Variants in ZNRF3 observed in about 807,000 individuals in gnomAD.
The protein encoded by ZNRF3 is zinc and ring finger 3.
In ZNRF3, 23 loss-of-function variants were observed where a neutral mutation model predicts 72.5. The ratio of observed to expected loss-of-function variants is 0.32; its 90% CI spans 0.23 to 0.45. The LOEUF is 0.45. ZNRF3 is among the 20% of genes least tolerant of loss of function. ZNRF3 has a pLI of 1.00. For synonymous variants in ZNRF3, 610 were observed against 545.3 expected (o/e 1.12, Z -1.65); for missense variants, 1,169 against 1,272.1 (o/e 0.92, Z 1.23).
intron 1 of ZNRF3, among the ~76,000 whole-genome samples, 191 bp downstream of exon 1, chr22:28,884,257 G>T (rs901032721): frequency 3.3e-5 from 5 of 151,918 alleles, no homozygotes; most frequent in South Asian, 2.1e-4. Flanking sequence ...TCCGCGGGGG[G>T]CGAGCGCACG....
chr22:28,982,937 C>G (rs536203011), intron 1 of ZNRF3, among the ~76,000 whole-genome samples: 2 of 152,104 alleles, frequency 1.3e-5, no homozygotes, highest in African/African-American at 2.4e-5. Context: ...ATTGAATTAA[C>G]AGACTTGCAC....
intron 1 of ZNRF3, among the ~76,000 whole-genome samples, chr22:28,892,354 C>T (rs974871181): frequency 2.0e-5 from 3 of 152,200 alleles, no homozygotes; most frequent in African/African-American, 4.8e-5. Flanking sequence ...AGGAAACAGC[C>T]TATAGGATAC....
intron 8 of ZNRF3, among the ~76,000 whole-genome samples, chr22:29,053,276 C>T (rs1024916144): frequency 1.3e-5 from 2 of 152,194 alleles, no homozygotes; most frequent in African/African-American, 4.8e-5. Flanking sequence ...AGGGAGTCCT[C>T]TCTGCTGCTT....
intron 2 of ZNRF3, among the ~76,000 whole-genome samples, chr22:29,007,381 A>G (rs2036271375): frequency 6.6e-6 from 1 of 152,250 alleles, no homozygotes; most frequent in Non-Finnish European, 1.5e-5. Flanking sequence ...TCATACCTGT[A>G]ATCCCAGCAC....
Position 29,049,882 on chromosome 22 carries a change from T to C in ZNRF3, c.1701T>C (p.Ser567=). Reference sequence around the variant, plus strand: ...AGTGCCACTGTTCCTCCAGTGACTCTGTGGTAGACTGCACTGAGGTCAGCA... The same window carrying C: ...AGTGCCACTGTTCCTCCAGTGACTCCGTGGTAGACTGCACTGAGGTCAGCA... ...SGQCHCSSSD[S]VVDCTEVSNQ... Residue 567 remains serine, a synonymous_variant, in exon 8 of 9, where the codon TCT becomes TCC. Transcript: ENST00000544604. The surrounding 1 kb of genome is among the most constrained non-coding windows in gnomAD (Gnocchi z 5.2). 1 of 1,602,450 alleles carries C rather than the reference T, an allele frequency of 6.2e-7. No homozygotes were observed. The highest frequency in any genetic ancestry group is 8.5e-7 in the Non-Finnish European group (1 of 1,173,720).
rs1427806853 is a variant in ZNRF3 at position 29,046,781 on chromosome 22, G to A, written c.810G>A (p.Lys270=). The part of the protein sequence containing the change: ...EKMETRKFNS[K]SKGRREGSCG... The stretch of plus-strand genomic sequence containing the variant: ...TGGAAACCAGAAAGTTCAACTCCAA[G>A]AGCAAGGGGCGCCGGGAGGGGAGCT... The change falls in exon 6 of 9, where the codon AAG becomes AAA. Residue 270 remains lysine, a synonymous_variant. Transcript: ENST00000544604. 1.6e-5 allele frequency: 26 copies of A among 1,612,164 alleles called. No homozygotes were observed. The highest frequency in any genetic ancestry group is 2.7e-5 in the African/African-American group (2 of 74,920).
At position 29,048,411 on chromosome 22, in the gene ZNRF3, C is replaced by T; in HGVS notation, c.935C>T (p.Thr312Ile). ...DGEELRVIPC[T>I]HRFHRKCVDP... ...CAGGAGCTGCGGGTCATCCCCTGTA[C>T]TCACCGGTTTCACAGGAAGTGCGTG... Residue 312 changes from threonine (T) to isoleucine (I), a missense_variant, in exon 7 of 9, where the codon ACT (threonine) becomes ATT (isoleucine). This residue lies in a region of ZNRF3 where 386 missense variants were observed against 540.7 expected (regional missense o/e 0.71). Transcript: ENST00000544604. The surrounding 1 kb of genome is among the most constrained non-coding windows in gnomAD (Gnocchi z 4.9). 6.2e-7 allele frequency: 1 copy of T among 1,614,174 alleles called. No homozygotes were observed. Among genetic ancestry groups the T allele is most frequent in the Non-Finnish European group, 8.5e-7 (1 of 1,180,006 alleles).
At chr22:28,949,230 G>T (rs1467605448) in intron 1 of ZNRF3, among the ~76,000 whole-genome samples, 1 of 151,432 alleles carries the variant, frequency 6.6e-6, no homozygotes, top group African/African-American at 2.4e-5. Context: ...CATCTGCCTC[G>T]GCTTCCCAAA....
intron 1 of ZNRF3, among the ~76,000 whole-genome samples, chr22:28,896,923 T>C (rs2034008803): frequency 6.6e-6 from 1 of 152,156 alleles, no homozygotes; most frequent in African/African-American, 2.4e-5. Flanking sequence ...TTCTCTCTCT[T>C]TTGGTTTTTC....
chr22:29,035,659 T>C (rs2036853368), intron 2 of ZNRF3, among the ~76,000 whole-genome samples: 1 of 152,232 alleles, frequency 6.6e-6, no homozygotes, highest in Non-Finnish European at 1.5e-5. Flanking sequence ...CACTGCAAGC[T>C]CCGCCTCCTG....
At chr22:29,047,416 A>G (rs997096618) in intron 6 of ZNRF3, among the ~76,000 whole-genome samples, 2 of 152,208 alleles carry the variant, frequency 1.3e-5, no homozygotes, top group Admixed American at 6.5e-5. Flanking sequence ...GGAGCAAACC[A>G]CTTGAGAATT....
chr22:29,053,475 C>A, intron 8 of ZNRF3, 104 bp from the exon 9 acceptor site: 1 of 1,106,018 alleles, frequency 9.0e-7, no homozygotes, highest in Non-Finnish European at 1.3e-6. Flanking sequence ...CTTTAGCATA[C>A]ACAGGCCTGC....
intron 1 of ZNRF3, among the ~76,000 whole-genome samples, chr22:28,934,921 T>C (rs1246505468): frequency 2.6e-5 from 4 of 152,238 alleles, no homozygotes; most frequent in African/African-American, 9.6e-5. Context: ...CCAGTTTTTT[T>C]TTCTGTGCAT....
rs140148846 is a variant in ZNRF3, at chr22:28,932,174, G to C, written c.300+48108G>C. On this transcript the variant is annotated intron_variant, in intron 1 of 8. Coordinates refer to ENST00000544604, the MANE Select transcript of ZNRF3 (RefSeq NM_001206998.2). The stretch of plus-strand genomic sequence containing the variant: ...GCCTGTTTGTAACCAAGGTTGAAAG[G>C]ATTGAAGAAGAGGTCTGTGTGATAA... Among the ~76,000 whole-genome samples the C allele has an allele frequency of 5.4e-3, 817 of 152,326 alleles. 4 individuals are homozygous for C. The highest frequency in any genetic ancestry group is 6.6e-3 in the Non-Finnish European group (449 of 68,042).
At chr22:28,896,872 C>G (rs1038593069) in intron 1 of ZNRF3, among the ~76,000 whole-genome samples, 9 of 152,232 alleles carry the variant, frequency 5.9e-5, no homozygotes, top group Non-Finnish European at 1.3e-4. Flanking sequence ...TGACTTCCCT[C>G]TTCAGGCCTG....
chr22:29,030,082 T>A lies in ZNRF3; in HGVS notation c.427-12413T>A, dbSNP rs1299889970. Among the ~76,000 whole-genome samples, 1 of 152,204 alleles carries A rather than the reference T, an allele frequency of 6.6e-6. No individual in the cohort carries two copies. The highest frequency in any genetic ancestry group is 1.9e-4 in the East Asian group (1 of 5,202). On this transcript the variant is annotated intron_variant, in intron 2 of 8. Transcript: ENST00000544604. This position sits in a 1 kb window ranked among gnomAD's most constrained non-coding sequence, Gnocchi z 4.2. ...TAGGCAGGTAATGAAACAACCCAAC[T>A]GCGGTTTTTTCCATAACATCTTTCA...
At chr22:29,016,752 A>G (rs1307333843) in intron 2 of ZNRF3, among the ~76,000 whole-genome samples, 1 of 152,208 alleles carries the variant, frequency 6.6e-6, no homozygotes, top group Non-Finnish European at 1.5e-5. Context: ...CTATGAACAG[A>G]GTAGGGCTGC....
At chr22:28,990,654 C>T (rs1424852600) in intron 2 of ZNRF3, among the ~76,000 whole-genome samples, 5 of 151,956 alleles carry the variant, frequency 3.3e-5, no homozygotes, top group African/African-American at 9.7e-5. Flanking sequence ...CTAGGCTGGG[C>T]GACAGAGGAA....
At chr22:29,012,960 G>T (rs2123854050) in intron 2 of ZNRF3, among the ~76,000 whole-genome samples, 1 of 152,318 alleles carries the variant, frequency 6.6e-6, no homozygotes, top group South Asian at 2.1e-4. Context: ...CAGACCTCCT[G>T]CTCTTCTCAT....
Sources: gnomAD v4.1 joint callset for allele counts (sites outside exome capture counted in the v4.1 genomes callset) on GRCh38, gnomAD v4.1.1 for gene constraint, gnomAD v4.1.1 regional missense constraint, Gnocchi (gnomAD v3.1) non-coding constraint, MANE v1.5 for transcripts, NCBI Gene and HGNC (gene_info 2026-07-23, HGNC 2026-07-21) for gene names.